KCNJ12: variants seen among roughly 807,000 people sequenced by gnomAD.
KCNJ12 encodes potassium inwardly rectifying channel subfamily J member 12.
KCNJ12 carries 2 observed loss-of-function variants against 22.3 expected under a neutral mutation model. That is an observed-to-expected ratio of 0.09 (90% confidence interval 0.04 to 0.28). The LOEUF (loss-of-function observed/expected upper bound fraction) is 0.28, where lower values mean the gene tolerates loss of function less well. Among genes scored for constraint, KCNJ12 ranks in the 10% least tolerant of loss-of-function variants. The pLI is 1.00. For synonymous variants in KCNJ12, 117 were observed against 261.4 expected, an observed-to-expected ratio of 0.45 and a Z score of 5.33; for missense variants, 155 against 633.3, an observed-to-expected ratio of 0.24 and a Z score of 8.11.
chr17:21,397,877 TG>T (rs1378356527), intron 1 of KCNJ12, among the ~76,000 whole-genome samples: 1 of 152,224 alleles, frequency 6.6e-6, no homozygotes, highest in East Asian at 1.9e-4. Flanking sequence ...GAGCAGAGCC[TG>T]GGGGCCGAGA....
chr17:21,402,599 TG>T (rs1341721801), intron 1 of KCNJ12, among the ~76,000 whole-genome samples: 53 of 152,404 alleles, frequency 3.5e-4, no homozygotes, highest in Non-Finnish European at 6.2e-4. Context: ...CTCCTGCCCA[TG>T]GTAGGGTGAA....
At chr17:21,379,945 T>C (rs1436730478) in intron 1 of KCNJ12, among the ~76,000 whole-genome samples, 1 of 152,028 alleles carries the variant, frequency 6.6e-6, no homozygotes, top group Non-Finnish European at 1.5e-5. Context: ...TGGCATTAGC[T>C]CTATTGTGCA....
At chr17:21,403,073 G>A (rs35372381) in intron 1 of KCNJ12, among the ~76,000 whole-genome samples, 77 of 152,416 alleles carry the variant, frequency 5.1e-4, no homozygotes, top group Admixed American at 1.1e-3. Context: ...GAGTACTCAC[G>A]GAGGAGCAAG....
chr17:21,398,330 C>T (rs569015853), intron 1 of KCNJ12, among the ~76,000 whole-genome samples: 16 of 152,176 alleles, frequency 1.1e-4, no homozygotes, highest in Non-Finnish European at 1.5e-4. Context: ...CTCTGGTACC[C>T]GAGGCCCTGC....
At chr17:21,381,474 C>A (rs1252818277) in intron 1 of KCNJ12, among the ~76,000 whole-genome samples, 38 of 152,000 alleles carry the variant, frequency 2.5e-4, no homozygotes, top group Non-Finnish European at 1.2e-4. Context: ...GACTCTTGCT[C>A]CCTCCCCGGG....
intron 1 of KCNJ12, among the ~76,000 whole-genome samples, chr17:21,386,838 A>G (rs1555558707): frequency 6.6e-6 from 1 of 151,932 alleles, no homozygotes; most frequent in Non-Finnish European, 1.5e-5. Flanking sequence ...CATTGGATTC[A>G]GGGCCCACCC....
intron 2 of KCNJ12, among the ~76,000 whole-genome samples, chr17:21,414,533 G>A (rs1429776456): frequency 6.6e-6 from 1 of 152,304 alleles, no homozygotes; most frequent in Non-Finnish European, 1.5e-5. Context: ...AGGGAGTGGT[G>A]GTCTCAGGGT....
chr17:21,396,668 G>A (rs1299038184), intron 1 of KCNJ12, among the ~76,000 whole-genome samples: 1 of 152,204 alleles, frequency 6.6e-6, no homozygotes, highest in Non-Finnish European at 1.5e-5. Context: ...TCCTCTGTGA[G>A]GATGACGACA....
intron 1 of KCNJ12, among the ~76,000 whole-genome samples, chr17:21,400,414 G>A (rs538833069): frequency 1.8e-4 from 28 of 152,400 alleles, no homozygotes; most frequent in Non-Finnish European, 3.4e-4. Flanking sequence ...AGTCCCTCCT[G>A]TAGCCGGAAT....
intron 1 of KCNJ12, among the ~76,000 whole-genome samples, chr17:21,385,937 G>A (rs1308270855): frequency 6.6e-6 from 1 of 152,228 alleles, no homozygotes; most frequent in Non-Finnish European, 1.5e-5. Flanking sequence ...AAGTGGGTTG[G>A]GCAAACCCAC....
chr17:21,384,902 A>T (rs1372686360), intron 1 of KCNJ12, among the ~76,000 whole-genome samples: 1 of 151,480 alleles, frequency 6.6e-6, no homozygotes, highest in Non-Finnish European at 1.5e-5. Context: ...CCTCCCGAGT[A>T]GCTGGGACTA....
intron 1 of KCNJ12, among the ~76,000 whole-genome samples, chr17:21,400,259 C>G (rs75584412): frequency 6.6e-6 from 1 of 152,266 alleles, no homozygotes. Context: ...CCTGCCCCAC[C>G]CTGTCCCCTT....
chr17:21,378,648 G>T (rs1370183161), intron 1 of KCNJ12, among the ~76,000 whole-genome samples: 1 of 152,188 alleles, frequency 6.6e-6, no homozygotes, highest in Non-Finnish European at 1.5e-5. Flanking sequence ...GCATACAGTA[G>T]GCAGTCTGTA....
chr17:21,414,633 G>A (rs1237377781), intron 2 of KCNJ12, among the ~76,000 whole-genome samples: 1 of 152,304 alleles, frequency 6.6e-6, no homozygotes, highest in Non-Finnish European at 1.5e-5. Flanking sequence ...GATATAGCAG[G>A]GATGGGACAT....
In KCNJ12 at chr17:21,384,997, G is replaced by C. The variant is rs535356516; in HGVS notation, c.-179+8084G>C. ...TCACCGTGTTAGCCAGGATGGTCTC[G>C]ATCTCCTGACCTCGTGATCCGCCCG... On this transcript the variant is annotated intron_variant, in intron 1 of 2. Transcript: ENST00000583088. Among the ~76,000 whole-genome samples the C allele has an allele frequency of 5.9e-5, 9 of 151,954 alleles. No individual in the cohort carries two copies. The South Asian group carries it at 1.5e-3, about 25-fold the overall frequency.
At position 21,398,439 on chromosome 17, in the gene KCNJ12, G is replaced by A. The variant is rs118103218; in HGVS notation, c.-178-10080G>A. On this transcript the variant is annotated intron_variant, in intron 1 of 2. Coordinates refer to ENST00000583088, the MANE Select transcript of KCNJ12 (RefSeq NM_021012.5). The stretch of plus-strand genomic sequence containing the variant: ...CAGCCCCCGTGGCCAGCAGCATCCC[G>A]AGGCCAGGCCAGACCTCTACGGCCC... Among the ~76,000 whole-genome samples the A allele has an allele frequency of 2.5e-3, 380 of 152,274 alleles. 1 individual carries two copies. Among genetic ancestry groups the A allele is most frequent in the Admixed American group, 8.9e-3 (136 of 15,302 alleles).
chr17:21,410,870 A>G (rs1906293413), intron 2 of KCNJ12, among the ~76,000 whole-genome samples: 1 of 152,308 alleles, frequency 6.6e-6, no homozygotes, highest in Non-Finnish European at 1.5e-5. Context: ...GTGTGATGGA[A>G]GGGATTAAAT....
chr17:21,406,185 C>A (rs562142545), intron 1 of KCNJ12, among the ~76,000 whole-genome samples: 29 of 152,302 alleles, frequency 1.9e-4, no homozygotes, highest in Admixed American at 3.9e-4. Flanking sequence ...CTTCTCTCAG[C>A]CTCAGTTTTC....
chr17:21,410,811 C>T (rs1906288601), intron 2 of KCNJ12, among the ~76,000 whole-genome samples: 1 of 152,298 alleles, frequency 6.6e-6, no homozygotes, highest in African/African-American at 2.4e-5. Context: ...GTGACTCAAT[C>T]TTCCTAGGCT....
Sources: gnomAD v4.1 joint callset for allele counts (sites outside exome capture counted in the v4.1 genomes callset) on GRCh38, gnomAD v4.1.1 for gene constraint, MANE v1.5 for transcripts, NCBI Gene and HGNC (gene_info 2026-07-23, HGNC 2026-07-21) for gene names.